TTC7A: variants seen among roughly 807,000 people sequenced by gnomAD.
The protein encoded by TTC7A is tetratricopeptide repeat domain 7A, also known as tetratricopeptide repeat protein 7A.
A neutral mutation model predicts 103.7 loss-of-function variants in TTC7A; 110 were observed. The ratio of observed to expected loss-of-function variants is 1.06; its 90% CI spans 0.91 to 1.24. TTC7A has a LOEUF of 1.24. Among genes scored for constraint, TTC7A ranks in the 50% most tolerant of loss-of-function variants. The pLI, the probability that TTC7A is intolerant of heterozygous loss-of-function variation, is 0.00. For synonymous variants in TTC7A, 521 were observed against 467.9 expected (o/e 1.11, Z -1.47); for missense variants, 1,340 against 1,116.3 (o/e 1.20, Z -2.86).
intron 1 of TTC7A, among the ~76,000 whole-genome samples, chr2:46,948,977 G>C (rs1178855376): frequency 6.6e-6 from 1 of 152,168 alleles, no homozygotes. Flanking sequence ...TAGTTGAGAG[G>C]ATCCAATTCA....
At chr2:46,962,204 A>C (rs1672441981) in intron 3 of TTC7A, among the ~76,000 whole-genome samples, 1 of 152,200 alleles carries the variant, frequency 6.6e-6, no homozygotes, top group South Asian at 2.1e-4. Context: ...TTCTTGGGAC[A>C]TTGTCCTTGC....
chr2:47,072,014 T>G (rs1684776326), intron 19 of TTC7A, among the ~76,000 whole-genome samples: 2 of 152,274 alleles, frequency 1.3e-5, no homozygotes, highest in South Asian at 4.1e-4. Flanking sequence ...TGGTGCTTAA[T>G]TTTGTGTCTG....
rs536044862 is a variant in TTC7A at position 46,926,028 on chromosome 2, C to T, written c.82+8751C>T. On this transcript the variant is annotated intron_variant, in intron 2 of 20. Transcript: ENST00000409245. ...TTGTCCGGTAATATCTGCTCATTCTCAGAGACTTACTCACTTGAGGTGCCC... is the reference window on the plus strand; with the variant it reads ...TTGTCCGGTAATATCTGCTCATTCTTAGAGACTTACTCACTTGAGGTGCCC... Among the ~76,000 whole-genome samples the T allele has an allele frequency of 2.6e-5, 4 of 152,318 alleles. No individual in the cohort carries two copies. The South Asian group carries it at 8.3e-4, about 32-fold the overall frequency.
intron 2 of TTC7A, among the ~76,000 whole-genome samples, chr2:46,933,731 C>T (rs992355309): frequency 1.3e-5 from 2 of 152,184 alleles, no homozygotes; most frequent in Non-Finnish European, 2.9e-5. Context: ...CTCTACTTCG[C>T]ATATACTGAT....
intron 7 of TTC7A, 113 bp downstream of exon 7, chr2:46,994,627 C>A: frequency 2.8e-6 from 3 of 1,061,294 alleles, no homozygotes; most frequent in Non-Finnish European, 4.2e-6. Context: ...CCACTCAGCA[C>A]ACTGCCAGCC....
rs532348061 is a variant in TTC7A at position 46,943,864 on chromosome 2, G to A, written c.184+2139G>A. ...TTTTACTGAGGCCTTGAGGTCCAGC[G>A]GTGTCTGATATTTCCTACAGAAATG... On this transcript the variant is annotated intron_variant, in intron 1 of 19. Coordinates refer to ENST00000319190, the MANE Select transcript of TTC7A (RefSeq NM_020458.4). Among the ~76,000 whole-genome samples, 6 of 152,274 alleles carry A rather than the reference G, an allele frequency of 3.9e-5. No homozygotes were observed. In the South Asian group the frequency reaches 1.0e-3, roughly 26 times the overall value.
Position 47,029,314 on chromosome 2 carries a change from G to A in TTC7A, c.1732G>A (p.Ala578Thr). Residue 578 changes from alanine (A) to threonine (T), a missense_variant, in exon 15 of 20, where the codon GCC becomes ACC. Transcript: ENST00000319190. ...CCACCTGCTGGCACTGCTCTTCTCT[G>A]CCCAGAAGCACCACCAGCATGCCCT... Reference protein sequence around the residue: ...ALHLLALLFSAQKHHQHALDV... With the variant: ...ALHLLALLFSTQKHHQHALDV... 5.6e-6 allele frequency: 9 copies of A among 1,614,088 alleles called. No homozygotes were observed. The highest frequency in any genetic ancestry group is 6.8e-6 in the Non-Finnish European group (8 of 1,180,018).
intron 3 of TTC7A, among the ~76,000 whole-genome samples, 161 bp downstream of exon 3, chr2:46,957,168 T>A (rs181219596): frequency 6.6e-6 from 1 of 152,330 alleles, no homozygotes; most frequent in African/African-American, 2.4e-5. Context: ...ACCGGCCATG[T>A]TGACATTGCC....
At chr2:46,947,489 G>T (rs1398142863) in intron 1 of TTC7A, among the ~76,000 whole-genome samples, 1 of 152,182 alleles carries the variant, frequency 6.6e-6, no homozygotes. Flanking sequence ...GCCGAGGCAG[G>T]CAGATCACTT....
At chr2:46,996,198 G>C (rs1192261701) in intron 8 of TTC7A, among the ~76,000 whole-genome samples, 3 of 152,212 alleles carry the variant, frequency 2.0e-5, no homozygotes, top group African/African-American at 7.2e-5. Context: ...GACTGGACTG[G>C]TCCAAAGGGG....
Position 46,941,715 on chromosome 2 carries a change from T to C in TTC7A, c.174T>C (p.Phe58=), listed in dbSNP as rs1670404772. Residue 58 remains phenylalanine, a synonymous_variant, in exon 1 of 20, where the codon TTT becomes TTC. Coordinates refer to ENST00000319190, the MANE Select transcript of TTC7A (RefSeq NM_020458.4). This position sits in a 1 kb window ranked among gnomAD's most constrained non-coding sequence, Gnocchi z 4.2. ...RRGSPSAAFT[F]PDTDDFGKLL... ...GCAGCCCGAGCGCAGCGTTCACCTTTCCGGACACCGGTGAGTAAGGGAAGA... is the reference window on the plus strand; with the variant it reads ...GCAGCCCGAGCGCAGCGTTCACCTTCCCGGACACCGGTGAGTAAGGGAAGA... 1 of 1,550,120 alleles carries C rather than the reference T, an allele frequency of 6.5e-7. No homozygotes were observed. Among genetic ancestry groups the C allele is most frequent in the African/African-American group, 1.4e-5 (1 of 73,070 alleles).
At chr2:47,047,279 C>T in intron 16 of TTC7A, 1 of 1,548,858 alleles carries the variant, frequency 6.5e-7, no homozygotes, top group Non-Finnish European at 8.7e-7. Flanking sequence ...CTTTAGGAGC[C>T]CAGAAGGCTT....
At chr2:47,042,796 G>A (rs72808516) in intron 15 of TTC7A, among the ~76,000 whole-genome samples, 14,263 of 152,258 alleles carry the variant, frequency 0.094, 703 homozygotes, top group Non-Finnish European at 0.11. Flanking sequence ...TCTTGGAGGA[G>A]GGCTGGAGCC....
intron 15 of TTC7A, among the ~76,000 whole-genome samples, chr2:47,038,726 T>C (rs1681430515): frequency 7.3e-6 from 1 of 136,140 alleles, no homozygotes; most frequent in Non-Finnish European, 1.5e-5. Context: ...CAGGGCCCAG[T>C]GAGCACACAT....
chr2:46,923,736 C>CTT (rs113000969), intron 2 of TTC7A, among the ~76,000 whole-genome samples: 1 of 145,780 alleles, frequency 6.9e-6, no homozygotes, highest in African/African-American at 2.5e-5. Flanking sequence ...TATAGAAAAA[C>CTT]TTTTTTTTTT....
At chr2:46,961,495 T>C (rs1440641511) in intron 3 of TTC7A, among the ~76,000 whole-genome samples, 3 of 151,726 alleles carry the variant, frequency 2.0e-5, no homozygotes, top group Non-Finnish European at 4.4e-5. Context: ...GAGAATGGCA[T>C]GAACCCGGGA....
intron 2 of TTC7A, among the ~76,000 whole-genome samples, chr2:46,955,198 C>G (rs1353691168): frequency 6.6e-6 from 1 of 151,186 alleles, no homozygotes; most frequent in African/African-American, 2.5e-5. Flanking sequence ...TTATCTCTCC[C>G]TCACCCACGA....
intron 5 of TTC7A, among the ~76,000 whole-genome samples, chr2:46,981,082 T>C (rs1674407261): frequency 6.6e-6 from 1 of 152,196 alleles, no homozygotes; most frequent in African/African-American, 2.4e-5. Context: ...ATGTATTATA[T>C]CATTGGCCAC....
At chr2:47,031,104 G>A (rs549432157) in intron 15 of TTC7A, among the ~76,000 whole-genome samples, 1 of 152,270 alleles carries the variant, frequency 6.6e-6, no homozygotes, top group Non-Finnish European at 1.5e-5. Flanking sequence ...CCGAGATTGC[G>A]CCACTGCACT....
Sources: gnomAD v4.1 joint callset for allele counts (sites outside exome capture counted in the v4.1 genomes callset) on GRCh38, gnomAD v4.1.1 for gene constraint, Gnocchi (gnomAD v3.1) non-coding constraint, MANE v1.5 for transcripts, NCBI Gene and HGNC (gene_info 2026-07-23, HGNC 2026-07-21) for gene names.